Variants in NRG2 observed in about 807,000 individuals in gnomAD.
NRG2 encodes the protein neuregulin 2, also known as pro-neuregulin-2, membrane-bound isoform.
A neutral mutation model predicts 73.9 loss-of-function variants in NRG2; 27 were observed. That is an observed-to-expected ratio of 0.37 (90% CI 0.27 to 0.50). The LOEUF (loss-of-function observed/expected upper bound fraction) is 0.50, where lower values mean the gene tolerates loss of function less well. Ranked by LOEUF, NRG2 falls within the 20% of genes least tolerant of loss-of-function variation. NRG2 has a pLI of 0.96. For synonymous variants in NRG2, 532 were observed against 541.0 expected (o/e 0.98, Z 0.23); for missense variants, 1,126 against 1,210.1 (o/e 0.93, Z 1.03).
chr5:140,009,231 C>A (rs1352297290), intron 1 of NRG2, among the ~76,000 whole-genome samples: 1 of 152,198 alleles, frequency 6.6e-6, no homozygotes, highest in Non-Finnish European at 1.5e-5. Flanking sequence ...GCTGCTGCTG[C>A]AGAGCTGGAC....
intron 1 of NRG2, among the ~76,000 whole-genome samples, chr5:139,995,931 G>T (rs1757981451): frequency 2.0e-5 from 3 of 152,144 alleles, no homozygotes; most frequent in South Asian, 4.1e-4. Context: ...TAGGAGAATG[G>T]CTTGAGCCGA....
At chr5:139,848,902 T>TA (rs1423430695) in intron 9 of NRG2, among the ~76,000 whole-genome samples, 1 of 152,204 alleles carries the variant, frequency 6.6e-6, no homozygotes, top group Non-Finnish European at 1.5e-5. Flanking sequence ...CCTTATCTGT[T>TA]ACGCGGGCAT....
intron 1 of NRG2, among the ~76,000 whole-genome samples, chr5:139,948,889 G>A (rs1276003245): frequency 6.6e-6 from 1 of 152,074 alleles, no homozygotes. Flanking sequence ...GATTGGACAT[G>A]AGGGTAAGAC....
chr5:139,939,178 A>T (rs1484678023), intron 1 of NRG2, among the ~76,000 whole-genome samples: 1 of 151,670 alleles, frequency 6.6e-6, no homozygotes, highest in Non-Finnish European at 1.5e-5. Flanking sequence ...GAAATTCTTA[A>T]TGACCTTGGG....
At chr5:139,933,225 A>G (rs1752608739) in intron 1 of NRG2, among the ~76,000 whole-genome samples, 1 of 152,156 alleles carries the variant, frequency 6.6e-6, no homozygotes, top group Admixed American at 6.5e-5. Flanking sequence ...CAGTGAGCTG[A>G]GATCATACCA....
rs558563116 is a variant in NRG2 at position 140,040,039 on chromosome 5, A to G, written c.700+2331T>C. Among the ~76,000 whole-genome samples, 352 of 152,316 alleles carry G rather than the reference A, an allele frequency of 2.3e-3. 2 individuals carry two copies. The highest frequency in any genetic ancestry group is 7.8e-3 in the African/African-American group (326 of 41,574). On this transcript the variant is annotated intron_variant, in intron 1 of 9. Transcript: ENST00000361474. ...TTATTTAATATAGCATTACCAGTAC[A>G]TGTTTTCTTTAACCACATAGTAGAA...
intron 1 of NRG2, among the ~76,000 whole-genome samples, chr5:139,948,278 G>A (rs1170321909): frequency 1.3e-5 from 2 of 152,148 alleles, no homozygotes; most frequent in Admixed American, 6.5e-5. Flanking sequence ...AGTCAGAACG[G>A]AACCAGTCTC....
chr5:139,877,145 C>T (rs1199677960), intron 3 of NRG2, among the ~76,000 whole-genome samples: 1 of 152,176 alleles, frequency 6.6e-6, no homozygotes. Flanking sequence ...TGGGATGAGA[C>T]ATCTGTTTCT....
intron 2 of NRG2, among the ~76,000 whole-genome samples, chr5:139,885,632 C>T (rs912859562): frequency 7.3e-5 from 11 of 151,262 alleles, no homozygotes; most frequent in Admixed American, 3.3e-4. Flanking sequence ...AAGTCACGGG[C>T]GTGGGTTTGT....
In NRG2 at chr5:139,848,059, G is replaced by T; in HGVS notation, c.2411C>A (p.Ala804Glu). ...CAGTGGCGGCGAGTCCGAGCGCAGC[G>T]CGTCGTGCGCCCCACGCAGGCCCAG... Reference protein sequence around the residue: ...PFLGLRGAHDALRSDSPPLCP... With the variant: ...PFLGLRGAHDELRSDSPPLCP... The change falls in exon 10 of 10, where the codon GCG (alanine) becomes GAG (glutamate). Residue 804 changes from alanine (A) to glutamate (E), a missense_variant. This residue lies in a region of NRG2 where 402 missense variants were observed against 357.8 expected (regional missense o/e 1.12). Coordinates refer to ENST00000361474, the MANE Select transcript of NRG2 (RefSeq NM_004883.3). The T allele has an allele frequency of 6.7e-7, 1 of 1,502,000 alleles. No individual in the cohort carries two copies. The allele number at this position is 1,502,000 out of a possible 1,614,324, so 93.0% of individuals were successfully genotyped here.
rs533256557 is a variant in NRG2, at chr5:139,981,266, C to T, written c.700+61104G>A. Among the ~76,000 whole-genome samples, 14 of 152,324 alleles carry T rather than the reference C, an allele frequency of 9.2e-5. No individual in the cohort carries two copies. In the South Asian group the frequency reaches 2.1e-3, roughly 23 times the overall value. ...TGCTCCCCTACCACCTGTGCCCCTC[C>T]GACATCCCCTTCCTCCAGAGGTGGC... On this transcript the variant is annotated intron_variant, in intron 1 of 9. Transcript: ENST00000361474.
intron 1 of NRG2, among the ~76,000 whole-genome samples, chr5:139,958,991 G>A (rs1754853857): frequency 6.6e-6 from 1 of 152,208 alleles, no homozygotes; most frequent in Non-Finnish European, 1.5e-5. Context: ...TCCCAGTGTG[G>A]CTTTTACCAG....
At chr5:139,973,928 G>A (rs910580453) in intron 1 of NRG2, among the ~76,000 whole-genome samples, 1 of 152,142 alleles carries the variant, frequency 6.6e-6, no homozygotes, top group East Asian at 1.9e-4. Context: ...GACAGTTCTG[G>A]AAGAATTTAC....
intron 1 of NRG2, among the ~76,000 whole-genome samples, chr5:140,026,761 A>C (rs1760723185): frequency 6.6e-6 from 1 of 152,222 alleles, no homozygotes. Context: ...GATAAGAGTG[A>C]AAAAAGAGTC....
At chr5:139,999,785 T>A (rs1485427700) in intron 1 of NRG2, among the ~76,000 whole-genome samples, 2 of 152,156 alleles carry the variant, frequency 1.3e-5, no homozygotes. Flanking sequence ...TTATCCAGAC[T>A]ACATGGGAAA....
intron 1 of NRG2, among the ~76,000 whole-genome samples, chr5:139,924,138 C>A (rs1269926441): frequency 1.3e-5 from 2 of 152,158 alleles, no homozygotes; most frequent in African/African-American, 4.8e-5. Flanking sequence ...CCACCTGCCA[C>A]AATCCTGCAA....
intron 1 of NRG2, among the ~76,000 whole-genome samples, chr5:139,905,142 G>T (rs1765148166): frequency 6.6e-6 from 1 of 152,034 alleles, no homozygotes; most frequent in South Asian, 2.1e-4. Context: ...CTGCAACTCC[G>T]ACAGCCCAGG....
intron 1 of NRG2, among the ~76,000 whole-genome samples, chr5:139,986,463 C>T (rs958176869): frequency 8.6e-5 from 13 of 152,028 alleles, no homozygotes; most frequent in Non-Finnish European, 1.9e-4. Context: ...TACTCAAGAC[C>T]GGAGAGAAAG....
chr5:140,031,219 A>G (rs1761119986), intron 1 of NRG2, among the ~76,000 whole-genome samples: 1 of 152,210 alleles, frequency 6.6e-6, no homozygotes, highest in African/African-American at 2.4e-5. Flanking sequence ...GAGAAGAGCA[A>G]TTCTATCAGC....
Sources: allele counts gnomAD v4.1 joint callset (sites outside exome capture counted in the v4.1 genomes callset), GRCh38; gene constraint gnomAD v4.1.1; regional missense constraint gnomAD v4.1.1; transcripts MANE v1.5; gene names NCBI Gene and HGNC (gene_info 2026-07-23, HGNC 2026-07-21).